The following RIC3 variants were observed in gnomAD, a reference collection of about 807,000 sequenced individuals.
RIC3 encodes the protein protein RIC-3.
In RIC3, 28 loss-of-function variants were observed where a neutral mutation model predicts 27.3. The ratio of observed to expected loss-of-function variants is 1.02; its 90% CI spans 0.76 to 1.41. The LOEUF is 1.41. RIC3 is among the 40% of genes most tolerant of loss of function. RIC3 has a pLI of 0.00. For synonymous variants in RIC3, 184 were observed against 160.4 expected (o/e 1.15, Z -1.11); for missense variants, 501 against 444.7 (o/e 1.13, Z -1.14).
the RIC3 span, chr11:8,095,657 A>G: frequency 1.9e-6 from 3 of 1,599,842 alleles, no homozygotes; most frequent in Non-Finnish European, 2.6e-6. Context: ...GCCACGATGC[A>G]GAGGAAGGGT....
chr11:8,155,218 T>TAAAAA (rs61400460), intron 1 of RIC3, among the ~76,000 whole-genome samples: 1 of 121,046 alleles, frequency 8.3e-6, no homozygotes. Flanking sequence ...GACCCCATCT[T>TAAAAA]AAAAAAAAAA....
intron 1 of RIC3, among the ~76,000 whole-genome samples, chr11:8,157,215 A>C (rs757309258): frequency 3.3e-5 from 5 of 152,214 alleles, no homozygotes; most frequent in Non-Finnish European, 5.9e-5. Flanking sequence ...AAGCCACTAA[A>C]TACCTAATAT....
rs370830607 is a variant in RIC3 at position 8,110,653 on chromosome 11, G to C, written c.*45C>G. 1.2e-5 allele frequency: 19 copies of C among 1,545,768 alleles called. No homozygotes were observed. Among genetic ancestry groups the C allele is most frequent in the Non-Finnish European group, 1.6e-5 (18 of 1,118,902 alleles). On this transcript the variant is annotated 3_prime_UTR_variant, in exon 6 of 6. Transcript: ENST00000309737. Reference sequence around the variant, plus strand: ...CAAGAAGGAAATCTGAGGAGAGAGAGGTCACCTTGGGACTTGAGTAATGGA... The same window carrying C: ...CAAGAAGGAAATCTGAGGAGAGAGACGTCACCTTGGGACTTGAGTAATGGA...
chr11:8,093,185 T>C, the RIC3 span, among the ~76,000 whole-genome samples: 2 of 151,786 alleles, frequency 1.3e-5, no homozygotes, highest in Non-Finnish European at 2.9e-5. Context: ...AGGCACAGCG[T>C]CCCTCGGGAG....
downstream of RIC3, chr11:8,104,933 T>TG (rs1189914072): frequency 5.9e-5 from 9 of 151,644 alleles, no homozygotes; most frequent in Non-Finnish European, 1.0e-4. Flanking sequence ...GAAGGTTGTT[T>TG]TTTTTTTTTT....
intron 5 of RIC3, among the ~76,000 whole-genome samples, chr11:8,112,240 G>A (rs1945353143): frequency 6.6e-6 from 1 of 151,358 alleles, no homozygotes; most frequent in Admixed American, 6.6e-5. Context: ...GCTTTTTTCT[G>A]GTCTTTTTTT....
rs932431605 is a variant in RIC3, at chr11:8,109,073, T to A, written c.*1625A>T. The A allele has an allele frequency of 1.7e-4, 26 of 152,248 alleles. No homozygotes were observed. The highest frequency in any genetic ancestry group is 6.3e-4 in the African/African-American group (26 of 41,470). 9.4% of individuals were successfully genotyped at this position (152,248 alleles called of 1,614,324 possible). ...ATGTTCTACACAGAGATAGATGCAA[T>A]ATGCTTTCTATAAACTCAGTCTTGA... On this transcript the variant is annotated 3_prime_UTR_variant, in exon 6 of 6. Coordinates refer to ENST00000309737, the MANE Select transcript of RIC3 (RefSeq NM_001206671.4).
chr11:8,163,018 A>AAAACACACAC (rs533243067), intron 1 of RIC3, among the ~76,000 whole-genome samples: 4 of 135,964 alleles, frequency 2.9e-5, no homozygotes, highest in African/African-American at 1.1e-4. Flanking sequence ...GGATTATTTA[A>AAAACACACAC]ACACACACAC....
intron 1 of RIC3, among the ~76,000 whole-genome samples, chr11:8,141,927 C>G (rs1361287338): frequency 1.3e-5 from 2 of 151,982 alleles, no homozygotes; most frequent in East Asian, 1.9e-4. Flanking sequence ...TGAATGACTA[C>G]TGGATACATA....
chr11:8,149,195 AAAAT>A lies in RIC3; in HGVS notation c.125-9006_125-9003del, dbSNP rs1023252130. On this transcript the variant is annotated intron_variant, in intron 1 of 5. Coordinates refer to ENST00000309737, the MANE Select transcript of RIC3 (RefSeq NM_001206671.4). ...GTGACAGAGCGAGACTCTTGTCTCA[AAAAT>A]AAATAAATAAATAATATAATAAAAA... Among the ~76,000 whole-genome samples the A allele has an allele frequency of 2.0e-5, 3 of 151,170 alleles. No individual in the cohort carries two copies. In the East Asian group the frequency reaches 5.8e-4, roughly 29 times the overall value.
At chr11:8,095,677 G>A in the RIC3 span, 40 of 1,582,166 alleles carry the variant, frequency 2.5e-5, no homozygotes, top group Non-Finnish European at 3.0e-5. Context: ...TGAGCCCCAT[G>A]GGGACCCAGT....
At chr11:8,131,118 ACTC>A (rs1947645585) in intron 4 of RIC3, among the ~76,000 whole-genome samples, 1 of 151,726 alleles carries the variant, frequency 6.6e-6, no homozygotes, top group South Asian at 2.1e-4. Flanking sequence ...TCACTCACTC[ACTC>A]ACTCACTCAC....
chr11:8,137,634 T>G (rs1948578945), intron 3 of RIC3, among the ~76,000 whole-genome samples, 163 bp from the exon 4 acceptor site: 1 of 152,206 alleles, frequency 6.6e-6, no homozygotes, highest in South Asian at 2.1e-4. Context: ...ATTTAAGATT[T>G]CCAAAAAGGA....
Position 8,144,267 on chromosome 11 carries a change from C to T in RIC3, c.125-4074G>A, listed in dbSNP as rs556434176. ...AACCTACAAAATGGGAGAAAATTTT[C>T]GCAACCTACTCATCTGACAAAGGGC... On this transcript the variant is annotated intron_variant, in intron 1 of 5. Coordinates refer to ENST00000309737, the MANE Select transcript of RIC3 (RefSeq NM_001206671.4). Among the ~76,000 whole-genome samples the T allele has an allele frequency of 4.3e-3, 640 of 150,188 alleles. 4 individuals carry two copies. The highest frequency in any genetic ancestry group is 0.017 in the Middle Eastern group (5 of 292).
At chr11:8,160,920 T>TA (rs1450844373) in intron 1 of RIC3, among the ~76,000 whole-genome samples, 5 of 152,214 alleles carry the variant, frequency 3.3e-5, no homozygotes, top group African/African-American at 9.6e-5. Context: ...CTTACACCTG[T>TA]AAACCAAAAA....
chr11:8,157,561 A>G (rs908758600), intron 1 of RIC3, among the ~76,000 whole-genome samples: 2 of 152,212 alleles, frequency 1.3e-5, no homozygotes, highest in African/African-American at 4.8e-5. Context: ...CGGCTGGAAG[A>G]CAAACTAAGA....
At chr11:8,097,237 T>G in the RIC3 span, 1 of 1,614,056 alleles carries the variant, frequency 6.2e-7, no homozygotes, top group Non-Finnish European at 8.5e-7. Context: ...GGAGGCAGCC[T>G]CAGCCCCTAG....
chr11:8,166,408 A>C (rs1444744826), intron 1 of RIC3, among the ~76,000 whole-genome samples: 2 of 152,222 alleles, frequency 1.3e-5, no homozygotes, highest in South Asian at 2.1e-4. Flanking sequence ...TGTTTCATGC[A>C]CATCAATGGG....
intron 4 of RIC3, among the ~76,000 whole-genome samples, chr11:8,131,523 C>G (rs1947703312): frequency 6.6e-6 from 1 of 152,014 alleles, no homozygotes; most frequent in African/African-American, 2.4e-5. Context: ...GTCCAGTGGG[C>G]TCTATATATA....
Sources: allele counts gnomAD v4.1 joint callset (sites outside exome capture counted in the v4.1 genomes callset), GRCh38; gene constraint gnomAD v4.1.1; transcripts MANE v1.5; gene names NCBI Gene and HGNC (gene_info 2026-07-23, HGNC 2026-07-21).